Variants in SLC35G1 observed in about 807,000 individuals in gnomAD.
The protein encoded by SLC35G1 is partner of STIM1.
In SLC35G1, 10 loss-of-function variants were observed where a neutral mutation model predicts 17.1. The observed-to-expected ratio is 0.59, with a 90% confidence interval of 0.36 to 0.99. The LOEUF (loss-of-function observed/expected upper bound fraction) is 0.99, where lower values mean the gene tolerates loss of function less well. Among genes scored for constraint, SLC35G1 ranks in the 50% least tolerant of loss-of-function variants. The probability of loss-of-function intolerance (pLI) is 0.01; values close to 1 mark genes in which losing one functional copy is unlikely to be tolerated. For missense variants in SLC35G1, 433 were observed against 468.4 expected (o/e 0.92, Z 0.70); for synonymous variants, 185 against 181.1 (o/e 1.02, Z -0.18).
At chr10:93,899,514 A>T (rs1054326899) in intron 2 of SLC35G1, among the ~76,000 whole-genome samples, 11 of 152,146 alleles carry the variant, frequency 7.2e-5, no homozygotes, top group Admixed American at 7.2e-4. Flanking sequence ...TGAGAGCGAG[A>T]CCAGTTGGGT....
At chr10:93,906,701 A>G (rs890162), downstream of SLC35G1, among the ~76,000 whole-genome samples, 137,948 of 152,138 alleles carry the variant, frequency 0.91, 62,591 homozygotes, top group Middle Eastern at 0.94. Context: ...GATAAAATTC[A>G]CAAAAATTAG....
At chr10:93,904,329 C>G (rs913848174), downstream of SLC35G1, among the ~76,000 whole-genome samples, 1 of 152,160 alleles carries the variant, frequency 6.6e-6, no homozygotes, top group African/African-American at 2.4e-5. Flanking sequence ...TCCTAAAGCC[C>G]TGTTTTCACT....
chr10:93,906,356 G>A (rs967066740), downstream of SLC35G1: 1 of 152,248 alleles, frequency 6.6e-6, no homozygotes, highest in Non-Finnish European at 1.5e-5. Flanking sequence ...TGCACTACCA[G>A]CTGATAGCCA....
chr10:93,900,640 T>G, intron 2 of SLC35G1, 112 bp from the exon 3 acceptor site: 3 of 816,274 alleles, frequency 3.7e-6, no homozygotes, highest in South Asian at 2.4e-5. Flanking sequence ...TAATTTACTA[T>G]TCCCTCATTT....
rs375505576 is a variant in SLC35G1, at chr10:93,894,231, C to T, written c.178+20C>T. On this transcript the variant is annotated intron_variant, in intron 1 of 2. Transcript: ENST00000427197. ...AGCCGGGTGAGTGCGCGGTGTGGAT[C>T]GGGCTCTGGTCTCGCTCGGGGGTCC... 8.3e-4 allele frequency: 1,113 copies of T among 1,348,374 alleles called. No individual in the cohort carries two copies. Among genetic ancestry groups the T allele is most frequent in the Non-Finnish European group, 1.0e-3 (1,048 of 1,052,116 alleles). The allele number at this position is 1,348,374 out of a possible 1,614,324, so 83.5% of individuals were successfully genotyped here. A position where few individuals can be genotyped will look rare whatever the true frequency, so the allele number is the denominator to read the frequency against.
At chr10:93,898,054 T>A (rs577328415) in intron 1 of SLC35G1, among the ~76,000 whole-genome samples, 69 of 152,326 alleles carry the variant, frequency 4.5e-4, no homozygotes, top group African/African-American at 1.5e-3. Context: ...GCCAGGCATG[T>A]ACAAGACAGC....
intron 2 of SLC35G1, among the ~76,000 whole-genome samples, chr10:93,900,027 A>G (rs1281188141): frequency 1.3e-5 from 2 of 152,202 alleles, no homozygotes; most frequent in African/African-American, 2.4e-5. Flanking sequence ...TAGCCCTGGC[A>G]CACGTCAGCA....
rs1161533984 is a variant in SLC35G1, at chr10:93,903,572, A to G, written c.*2082A>G. On this transcript the variant is annotated 3_prime_UTR_variant, in exon 3 of 3. Coordinates refer to ENST00000427197, the MANE Select transcript of SLC35G1 (RefSeq NM_001134658.3). ...ATCCCTTTAGGCCCATACACTAGAG[A>G]CATGTTTTGTTTGAACAATGTAGTT... 6.6e-6 allele frequency: 1 copy of G among 152,216 alleles called. No individual in the cohort carries two copies. The highest frequency in any genetic ancestry group is 1.5e-5 in the Non-Finnish European group (1 of 68,036). The allele number at this position is 152,216 out of a possible 1,614,324, so 9.4% of individuals were successfully genotyped here.
At chr10:93,908,427 C>A (rs1772032325), downstream of SLC35G1, 1 of 152,214 alleles carries the variant, frequency 6.6e-6, no homozygotes, top group African/African-American at 2.4e-5. Flanking sequence ...ATACTTCATG[C>A]TGCCTCCATA....
At chr10:93,906,679 T>A (rs538921299), downstream of SLC35G1, among the ~76,000 whole-genome samples, 37 of 152,312 alleles carry the variant, frequency 2.4e-4, no homozygotes, top group South Asian at 1.0e-3. Flanking sequence ...GGGGTTTTTT[T>A]AGCCTGTGAC....
intron 2 of SLC35G1, among the ~76,000 whole-genome samples, chr10:93,900,015 T>C (rs1201929704): frequency 1.3e-5 from 2 of 152,150 alleles, no homozygotes; most frequent in Non-Finnish European, 2.9e-5. Flanking sequence ...TCTAATGAAG[T>C]CTAGCCCTGG....
chr10:93,904,551 C>T (rs988800626), downstream of SLC35G1, among the ~76,000 whole-genome samples: 2 of 152,186 alleles, frequency 1.3e-5, no homozygotes, highest in East Asian at 3.9e-4. Flanking sequence ...CTTATTTACC[C>T]TCTAAGGCCT....
chr10:93,907,722 G>A (rs1449973986), downstream of SLC35G1: 2 of 152,146 alleles, frequency 1.3e-5, no homozygotes, highest in East Asian at 3.8e-4. Context: ...GAAGGGCGAG[G>A]TGAGAGGAGA....
rs144622838 is a variant in SLC35G1, at chr10:93,900,997, G to C, written c.605G>C (p.Arg202Thr). 5.8e-5 allele frequency: 94 copies of C among 1,613,944 alleles called. 1 individual carries two copies. Among genetic ancestry groups the C allele is most frequent in the Non-Finnish European group, 7.6e-5 (90 of 1,179,994 alleles). The change falls in exon 3 of 3, where the codon AGA becomes ACA. Residue 202 changes from arginine (R) to threonine (T), a missense_variant. Coordinates refer to ENST00000427197, the MANE Select transcript of SLC35G1 (RefSeq NM_001134658.3). ...ATCACTGGAGTGATCCTTATCGTGAGACCACCATTTTTGTTTGGTTCCGAC... is the reference window on the plus strand; with the variant it reads ...ATCACTGGAGTGATCCTTATCGTGACACCACCATTTTTGTTTGGTTCCGAC... ...FTITGVILIV[R>T]PPFLFGSDTS...
chr10:93,894,294 G>A (rs1589798060), intron 1 of SLC35G1, 83 bp downstream of exon 1: 1 of 1,241,382 alleles, frequency 8.1e-7, no homozygotes, highest in South Asian at 2.3e-5. Flanking sequence ...CCGCAACCCG[G>A]GCACAGTGCC....
chr10:93,899,481 A>G (rs1473564247), intron 2 of SLC35G1, among the ~76,000 whole-genome samples: 2 of 152,014 alleles, frequency 1.3e-5, no homozygotes, highest in Admixed American at 6.6e-5. Flanking sequence ...TAACCTCCAT[A>G]TACCTCAGTG....
rs1483242992 is a variant in SLC35G1, at chr10:93,902,872, C to G, written c.*1382C>G. 6.6e-6 allele frequency: 1 copy of G among 152,556 alleles called. No homozygotes were observed. The highest frequency in any genetic ancestry group is 2.4e-5 in the African/African-American group (1 of 41,428). The allele number at this position is 152,556 out of a possible 1,614,324, so 9.5% of individuals were successfully genotyped here. Reference sequence around the variant, plus strand: ...TTTGCAGTTAGAGAGAATTTAATATCTAGAAAAGCTTGGGAGGTTAGTCAG... The same window carrying G: ...TTTGCAGTTAGAGAGAATTTAATATGTAGAAAAGCTTGGGAGGTTAGTCAG... On this transcript the variant is annotated 3_prime_UTR_variant, in exon 3 of 3. Transcript: ENST00000427197.
Position 93,894,014 on chromosome 10 carries a change from G to C in SLC35G1, c.-20G>C. On this transcript the variant is annotated 5_prime_UTR_variant, in exon 1 of 3. Coordinates refer to ENST00000427197, the MANE Select transcript of SLC35G1 (RefSeq NM_001134658.3). ...CTGGCGCCAGACGGCACCGGCCGCT[G>C]GTAGAGCGCGTGCCGCGAGATGCGG... 7.2e-7 allele frequency: 1 copy of C among 1,391,796 alleles called. No homozygotes were observed. Among genetic ancestry groups the C allele is most frequent in the Non-Finnish European group, 9.3e-7 (1 of 1,078,810 alleles). The allele number at this position is 1,391,796 out of a possible 1,614,324, so 86.2% of individuals were successfully genotyped here. A position where few individuals can be genotyped will look rare whatever the true frequency, so the allele number is the denominator to read the frequency against.
Position 93,901,342 on chromosome 10 carries a change from T to C in SLC35G1, c.950T>C (p.Met317Thr), listed in dbSNP as rs2060382569. ...GAAAAAGCAGGGCCAGTAGCAATAA[T>C]GAAGACAATGGATGTGGTCTTTGCT... The part of the protein sequence containing the change: ...QIEKAGPVAI[M>T]KTMDVVFAFI... Residue 317 changes from methionine (M) to threonine (T), a missense_variant, in exon 3 of 3, where the codon ATG (methionine) becomes ACG (threonine). Transcript: ENST00000427197. 1 of 1,613,996 alleles carries C rather than the reference T, an allele frequency of 6.2e-7. No individual in the cohort carries two copies. The highest frequency in any genetic ancestry group is 1.3e-5 in the African/African-American group (1 of 74,922).
Sources: gnomAD v4.1 joint callset for allele counts (sites outside exome capture counted in the v4.1 genomes callset) on GRCh38, gnomAD v4.1.1 for gene constraint, MANE v1.5 for transcripts, NCBI Gene and HGNC (gene_info 2026-07-23, HGNC 2026-07-21) for gene names.